GAD2: variants seen among roughly 807,000 people sequenced by gnomAD.
The protein encoded by GAD2 is glutamate decarboxylase 2, also known as 65 kDa glutamic acid decarboxylase.
A neutral mutation model predicts 80.1 loss-of-function variants in GAD2; 22 were observed. The ratio of observed to expected loss-of-function variants is 0.27; its 90% CI spans 0.20 to 0.39. The LOEUF (loss-of-function observed/expected upper bound fraction) is 0.39. Among genes scored for constraint, GAD2 ranks in the 10% least tolerant of loss-of-function variants. The pLI is 1.00. For missense variants in GAD2, 624 were observed against 738.4 expected (o/e 0.85, Z 1.80); for synonymous variants, 274 against 256.9 (o/e 1.07, Z -0.64).
intron 8 of GAD2, among the ~76,000 whole-genome samples, chr10:26,253,342 G>T (rs111466467): frequency 1.4e-4 from 21 of 152,300 alleles, no homozygotes; most frequent in African/African-American, 5.1e-4. Context: ...CAGTGATGAG[G>T]TTGATGAATT....
chr10:26,249,093 C>T (rs866884099), intron 8 of GAD2, among the ~76,000 whole-genome samples: 3 of 152,132 alleles, frequency 2.0e-5, no homozygotes, highest in Non-Finnish European at 2.9e-5. Context: ...GATGGAGTCT[C>T]GCTCTGTTGC....
At chr10:26,226,703 T>G (rs932920856) in intron 6 of GAD2, among the ~76,000 whole-genome samples, 1 of 152,194 alleles carries the variant, frequency 6.6e-6, no homozygotes, top group African/African-American at 2.4e-5. Flanking sequence ...TGGGACTCAA[T>G]GTGAAGAGTT....
At chr10:26,296,245 C>A (rs527901247) in intron 15 of GAD2, among the ~76,000 whole-genome samples, 1 of 152,242 alleles carries the variant, frequency 6.6e-6, no homozygotes, top group Non-Finnish European at 1.5e-5. Flanking sequence ...AATATCATCA[C>A]ATTGAGGGGT....
chr10:26,256,136 A>G (rs1414663618), intron 8 of GAD2, among the ~76,000 whole-genome samples: 2 of 152,186 alleles, frequency 1.3e-5, no homozygotes, highest in East Asian at 3.8e-4. Flanking sequence ...CACCAGTTAT[A>G]AACAGTCTGA....
At chr10:26,251,367 T>TCC (rs756141029) in intron 8 of GAD2, among the ~76,000 whole-genome samples, 1 of 152,210 alleles carries the variant, frequency 6.6e-6, no homozygotes, top group Non-Finnish European at 1.5e-5. Flanking sequence ...TTATTTAAAT[T>TCC]CCAATCTCAG....
At chr10:26,252,329 C>T (rs1442068891) in intron 8 of GAD2, among the ~76,000 whole-genome samples, 2 of 151,894 alleles carry the variant, frequency 1.3e-5, no homozygotes, top group Non-Finnish European at 2.9e-5. Context: ...GAAGATCCTG[C>T]GAGGTACATT....
In GAD2 at chr10:26,301,116, C is replaced by T; in HGVS notation, c.*155C>T. 1 of 632,850 alleles carries T rather than the reference C, an allele frequency of 1.6e-6. No homozygotes were observed. Among genetic ancestry groups the T allele is most frequent in the Non-Finnish European group, 2.7e-6 (1 of 371,354 alleles). The allele number at this position is 632,850 out of a possible 1,614,324, so 39.2% of individuals were successfully genotyped here. A position where few individuals can be genotyped will look rare whatever the true frequency, so the allele number is the denominator to read the frequency against. Reference sequence around the variant, plus strand: ...AAATTAAACAAAAAAGACATTGCTCCTTTTAAAAGTCCTTTCTTAAGTTTA... The same window carrying T: ...AAATTAAACAAAAAAGACATTGCTCTTTTTAAAAGTCCTTTCTTAAGTTTA... On this transcript the variant is annotated 3_prime_UTR_variant, in exon 16 of 16. Coordinates refer to ENST00000376261, the MANE Select transcript of GAD2 (RefSeq NM_001134366.2).
At chr10:26,287,641 G>A (rs1456649743) in intron 13 of GAD2, among the ~76,000 whole-genome samples, 2 of 152,202 alleles carry the variant, frequency 1.3e-5, no homozygotes, top group African/African-American at 4.8e-5. Context: ...GTAAGGTTGT[G>A]GTGGCCTTTG....
At position 26,225,759 on chromosome 10, in the gene GAD2, A is replaced by AT. The variant is rs1844513774; in HGVS notation, c.724+1113dup. 3.3e-5 allele frequency among the ~76,000 whole-genome samples: 5 copies of AT among 152,350 alleles called. No individual in the cohort carries two copies. In the South Asian group the frequency reaches 1.0e-3, roughly 32 times the overall value. On this transcript the variant is annotated intron_variant, in intron 6 of 15. Transcript: ENST00000376261. Reference sequence around the variant, plus strand: ...TTTATGTGTTTAAATATATAGCACAATTTTTCAGGTGCTGAAGGAAAAGGT... The same window carrying AT: ...TTTATGTGTTTAAATATATAGCACAATTTTTTCAGGTGCTGAAGGAAAAGGT...
chr10:26,239,193 G>A (rs566313300), intron 7 of GAD2, among the ~76,000 whole-genome samples: 1 of 152,340 alleles, frequency 6.6e-6, no homozygotes, highest in Admixed American at 6.5e-5. Flanking sequence ...GAGCTGGAAG[G>A]TAGAATGCTT....
chr10:26,225,231 T>C (rs999258851), intron 6 of GAD2, among the ~76,000 whole-genome samples: 3 of 152,240 alleles, frequency 2.0e-5, no homozygotes, highest in African/African-American at 7.2e-5. Context: ...CCTTCTCTTC[T>C]TTATCATGCC....
At chr10:26,300,618 C>T (rs8190797) in intron 15 of GAD2, among the ~76,000 whole-genome samples, 170 bp from the exon 16 acceptor site, 2,670 of 152,192 alleles carry the variant, frequency 0.018, 81 homozygotes, top group African/African-American at 0.061. Context: ...ATGTGTTAGA[C>T]TGTTCTAATT....
intron 4 of GAD2, 22 bp from the exon 5 acceptor site, chr10:26,223,865 T>G (rs1449712312): frequency 6.7e-7 from 1 of 1,499,126 alleles, no homozygotes; most frequent in Non-Finnish European, 9.2e-7. Context: ...CAATCCTGAT[T>G]CTGGTATTCC....
intron 13 of GAD2, 141 bp downstream of exon 13, chr10:26,286,635 A>G: frequency 2.6e-6 from 2 of 759,880 alleles, no homozygotes; most frequent in Non-Finnish European, 4.1e-6. Flanking sequence ...GCGTCTAAAT[A>G]CCTTCATTTG....
chr10:26,237,271 C>T (rs939443565), intron 7 of GAD2, among the ~76,000 whole-genome samples: 4 of 152,132 alleles, frequency 2.6e-5, no homozygotes, highest in African/African-American at 7.2e-5. Flanking sequence ...GCTGAACAGA[C>T]TTATTGTTCT....
intron 4 of GAD2, among the ~76,000 whole-genome samples, chr10:26,220,970 T>G (rs1217588616): frequency 6.6e-6 from 1 of 152,244 alleles, no homozygotes; most frequent in African/African-American, 2.4e-5. Flanking sequence ...TGCATTTTAT[T>G]TAAAGTTCAG....
At chr10:26,268,424 T>A (rs1312350564) in intron 8 of GAD2, among the ~76,000 whole-genome samples, 1 of 145,616 alleles carries the variant, frequency 6.9e-6, no homozygotes, top group South Asian at 2.2e-4. Context: ...GCCAAGATTG[T>A]GCCACTGCAC....
intron 13 of GAD2, among the ~76,000 whole-genome samples, chr10:26,289,376 C>T (rs998437339): frequency 3.9e-5 from 6 of 152,096 alleles, no homozygotes; most frequent in African/African-American, 1.4e-4. Flanking sequence ...CTGGAGAATT[C>T]GGTGTTTTCC....
At chr10:26,265,721 T>G (rs1014883796) in intron 8 of GAD2, among the ~76,000 whole-genome samples, 1 of 152,216 alleles carries the variant, frequency 6.6e-6, no homozygotes, top group East Asian at 1.9e-4. Flanking sequence ...GCTTACGTTA[T>G]AGACATACTT....
Sources: gnomAD v4.1 joint callset for allele counts (sites outside exome capture counted in the v4.1 genomes callset) on GRCh38, gnomAD v4.1.1 for gene constraint, MANE v1.5 for transcripts, NCBI Gene and HGNC (gene_info 2026-07-23, HGNC 2026-07-21) for gene names.